LAMB2: variants seen among roughly 807,000 people sequenced by gnomAD.
LAMB2 encodes the protein laminin subunit beta 2.
A neutral mutation model predicts 202.7 loss-of-function variants in LAMB2; 119 were observed. That is an observed-to-expected ratio of 0.59 (90% CI 0.51 to 0.68). LAMB2 has a LOEUF of 0.68. Ranked by LOEUF, LAMB2 falls within the 30% of genes least tolerant of loss-of-function variation. The pLI is 0.00. For synonymous variants in LAMB2, 818 were observed against 902.2 expected (o/e 0.91, Z 1.67); for missense variants, 2,124 against 2,410.6 (o/e 0.88, Z 2.49).
chr3:49,129,211 C>T lies in LAMB2; in HGVS notation c.1598+34G>A. ...CTTCTCTTCTGCTCAGGATCTTTCCCCATCCCTTCCCAGGCCCCCTTTACA... is the reference window on the plus strand; with the variant it reads ...CTTCTCTTCTGCTCAGGATCTTTCCTCATCCCTTCCCAGGCCCCCTTTACA... On this transcript the variant is annotated intron_variant, in intron 12 of 31. Transcript: ENST00000305544. This position sits in a 1 kb window ranked among gnomAD's most constrained non-coding sequence, Gnocchi z 6.1. 3.7e-6 allele frequency: 6 copies of T among 1,614,136 alleles called. No homozygotes were observed. The highest frequency in any genetic ancestry group is 5.1e-6 in the Non-Finnish European group (6 of 1,180,020).
At chr3:49,126,586 G>C in intron 15 of LAMB2, 89 bp from the exon 16 acceptor site, 1 of 1,556,318 alleles carries the variant, frequency 6.4e-7, no homozygotes, top group South Asian at 1.1e-5. Flanking sequence ...CCAGCAACCA[G>C]GCCATTGGCC....
intron 15 of LAMB2, 28 bp from the exon 16 acceptor site, chr3:49,126,525 G>C (rs761033533): frequency 9.9e-6 from 16 of 1,613,438 alleles, no homozygotes; most frequent in Non-Finnish European, 1.3e-5. Flanking sequence ...CAGGTGCAGT[G>C]GGTCATCTAG....
Position 49,129,011 on chromosome 3 carries a change from G to A in LAMB2, c.1731+9C>T, listed in dbSNP as rs1232796171. The A allele has an allele frequency of 6.2e-7, 1 of 1,607,050 alleles. No homozygotes were observed. Among genetic ancestry groups the A allele is most frequent in the Non-Finnish European group, 8.5e-7 (1 of 1,179,976 alleles). ...CATCCAGCCCTCTGCTTAGGGGGAG[G>A]CCCCACACCTGCCCTCGGGTGTCCT... On this transcript the variant is annotated intron_variant, in intron 13 of 31. Transcript: ENST00000305544. This position sits in a 1 kb window ranked among gnomAD's most constrained non-coding sequence, Gnocchi z 6.1.
In LAMB2 at chr3:49,124,109, A is replaced by G; in HGVS notation, c.3425-9T>C. The G allele has an allele frequency of 6.2e-7, 1 of 1,614,146 alleles. No homozygotes were observed. The highest frequency in any genetic ancestry group is 8.5e-7 in the Non-Finnish European group (1 of 1,180,028). On this transcript the variant is annotated splice_polypyrimidine_tract_variant and intron_variant, in intron 23 of 31. Transcript: ENST00000305544. Reference sequence around the variant, plus strand: ...AGAGTCACAATCACAGGCTGCAAGAAAGAGCAGAGCACAGAGTTAGGGTCA... The same window carrying G: ...AGAGTCACAATCACAGGCTGCAAGAGAGAGCAGAGCACAGAGTTAGGGTCA...
chr3:49,126,710 T>C (rs2045420110), intron 15 of LAMB2, among the ~76,000 whole-genome samples: 1 of 152,150 alleles, frequency 6.6e-6, no homozygotes, highest in Non-Finnish European at 1.5e-5. Flanking sequence ...TCTAGAATCA[T>C]ACATCCACCT....
At chr3:49,124,307 G>A in intron 22 of LAMB2, 21 bp from the exon 23 acceptor site, 1 of 1,613,756 alleles carries the variant, frequency 6.2e-7, no homozygotes, top group Non-Finnish European at 8.5e-7. Context: ...AACAAGGCAG[G>A]GTCAGAGCCT....
Position 49,123,355 on chromosome 3 carries a change from C to T in LAMB2, c.4001G>A (p.Arg1334Gln), listed in dbSNP as rs144783830. The T allele has an allele frequency of 2.7e-5, 43 of 1,613,950 alleles. No homozygotes were observed. The East Asian group carries it at 8.2e-4, about 31-fold the overall frequency. The change falls in exon 26 of 32, where the codon CGG becomes CAG. Residue 1334 changes from arginine to glutamine, a missense_variant. By Grantham distance (43) the Arg-to-Gln change is conservative. Transcript: ENST00000305544. ...SNFLGAYDSI[R>Q]HAHSQSAEAE... Reference sequence around the variant, plus strand: ...CTCTGCAGACTGGCTATGGGCATGCCGGATGCTGTCATAGGCACCTAAATT... The same window carrying T: ...CTCTGCAGACTGGCTATGGGCATGCTGGATGCTGTCATAGGCACCTAAATT...
At position 49,121,990 on chromosome 3, in the gene LAMB2, C is replaced by G. The variant is rs752674803; in HGVS notation, c.4877G>C (p.Arg1626Pro). The G allele has an allele frequency of 1.9e-6, 3 of 1,613,936 alleles. No homozygotes were observed. The highest frequency in any genetic ancestry group is 1.1e-5 in the South Asian group (1 of 91,082). Residue 1626 changes from arginine to proline, a missense_variant, in exon 29 of 32, where the codon CGG becomes CCG. This residue lies in a region of LAMB2 where 1,702 missense variants were observed against 1,896.3 expected (regional missense o/e 0.90). Transcript: ENST00000305544. ...RAQGIAQGAIRGAVADTRDTE... is the reference protein window; with the variant it reads ...RAQGIAQGAIPGAVADTRDTE... ...GTCCCGTGTGTCAGCCACTGCCCCC[C>G]GGATGGCACCCTGGGCAATACCCTG...
At chr3:49,128,924 CT>C (rs1365793034) in intron 13 of LAMB2, 95 bp downstream of exon 13, 59 of 1,600,054 alleles carry the variant, frequency 3.7e-5, no homozygotes, top group Middle Eastern at 1.6e-4. Flanking sequence ...GATATCACCC[CT>C]ATCCCCTCAA....
Position 49,121,514 on chromosome 3 carries a change from C to T in LAMB2, c.5179G>A (p.Ala1727Thr). 1 of 1,614,098 alleles carries T rather than the reference C, an allele frequency of 6.2e-7. No homozygotes were observed. Among genetic ancestry groups the T allele is most frequent in the Non-Finnish European group, 8.5e-7 (1 of 1,180,032 alleles). Residue 1727 changes from alanine (A) to threonine (T), a missense_variant, in exon 31 of 32, where the codon GCA becomes ACA. Coordinates refer to ENST00000305544, the MANE Select transcript of LAMB2 (RefSeq NM_002292.4). ...CGCAGTTGTTCTGCCCTTGCCTGTGCAGCCAGCACACCTTGGGCCTTGCGC... is the reference window on the plus strand; with the variant it reads ...CGCAGTTGTTCTGCCCTTGCCTGTGTAGCCAGCACACCTTGGGCCTTGCGC... ...AERKAQGVLA[A>T]QARAEQLRDE...
Position 49,130,172 on chromosome 3 carries a change from G to A in LAMB2, c.1225+59C>T. 3 of 1,601,882 alleles carry A rather than the reference G, an allele frequency of 1.9e-6. No homozygotes were observed. In the East Asian group the frequency reaches 6.7e-5, roughly 36 times the overall value. ...TTCCTGCAATTTAGACAGCAGTCCA[G>A]CTCTCTAGTTCCTGCCCCAGGCTCA... On this transcript the variant is annotated intron_variant, in intron 9 of 31. Transcript: ENST00000305544. The surrounding 1 kb of genome is among the most constrained non-coding windows in gnomAD (Gnocchi z 5.0).
chr3:49,132,222 G>C lies in LAMB2; in HGVS notation c.386-33C>G, dbSNP rs2045488953. 5.6e-6 allele frequency: 9 copies of C among 1,614,206 alleles called. No homozygotes were observed. The highest frequency in any genetic ancestry group is 7.6e-6 in the Non-Finnish European group (9 of 1,180,036). ...AGGAATCGGAAGTCAAGGACTCAAAGCTACTGGTGGGCAGCCCTGCTCACT... is the reference window on the plus strand; with the variant it reads ...AGGAATCGGAAGTCAAGGACTCAAACCTACTGGTGGGCAGCCCTGCTCACT... On this transcript the variant is annotated intron_variant, in intron 3 of 31. Coordinates refer to ENST00000305544, the MANE Select transcript of LAMB2 (RefSeq NM_002292.4). The surrounding 1 kb of genome is among the most constrained non-coding windows in gnomAD (Gnocchi z 4.6).
rs201247413 is a variant in LAMB2, at chr3:49,123,728, C to T, written c.3797G>A (p.Arg1266Gln). The T allele has an allele frequency of 5.6e-6, 9 of 1,613,474 alleles. No homozygotes were observed. Among genetic ancestry groups the T allele is most frequent in the Admixed American group, 5.0e-5 (3 of 60,028 alleles). Reference sequence around the variant, plus strand: ...CATGTATTCTTAGGCCCTTCCGCACCGCAGCTCCTCTGTGGCCTCCACAAG... The same window carrying T: ...CATGTATTCTTAGGCCCTTCCGCACTGCAGCTCCTCTGTGGCCTCCACAAG... ...AQLVEATEELRREIGEATEHL... is the reference protein window; with the variant it reads ...AQLVEATEELQREIGEATEHL... The change falls in exon 24 of 32, where the codon CGG becomes CAG. Residue 1266 changes from arginine to glutamine, a missense_variant and splice_region_variant. Physicochemically the swap from Arg to Gln is conservative, Grantham distance 43. This residue lies in a region of LAMB2 where 1,702 missense variants were observed against 1,896.3 expected (regional missense o/e 0.90). Coordinates refer to ENST00000305544, the MANE Select transcript of LAMB2 (RefSeq NM_002292.4).
At chr3:49,127,289 A>G (rs1346490352) in intron 15 of LAMB2, among the ~76,000 whole-genome samples, 1 of 152,100 alleles carries the variant, frequency 6.6e-6, no homozygotes, top group Non-Finnish European at 1.5e-5. Flanking sequence ...CCTGGTCTAG[A>G]GGAATTTTTT....
rs1183979474 is a variant in LAMB2 at position 49,126,663 on chromosome 3, A to G, written c.2019-166T>C. On this transcript the variant is annotated intron_variant, in intron 15 of 31. Transcript: ENST00000305544. ...CCAACAAACAGCTGGGCAGCCCAAC[A>G]AAGAATCTGCACAGAATAGTCTCAT... 3.9e-5 allele frequency among the ~76,000 whole-genome samples: 6 copies of G among 152,192 alleles called. No individual in the cohort carries two copies. The East Asian group carries it at 1.2e-3, about 29-fold the overall frequency.
In LAMB2 at chr3:49,123,912, C is replaced by T. The variant is rs953343840; in HGVS notation, c.3613G>A (p.Ala1205Thr). Residue 1205 changes from alanine to threonine, a missense_variant, in exon 24 of 32, where the codon GCA (alanine) becomes ACA (threonine). By Grantham distance (58) the Ala-to-Thr change is moderately conservative (BLOSUM62 0). Transcript: ENST00000305544. ...TGCTCTAGGCGCTGTGTACGGGCTG[C>T]CAAGTCCTGCACCACTCGGTCCCAA... ...GDWDRVVQDL[A>T]ARTQRLEQRA... 1.9e-6 allele frequency: 3 copies of T among 1,613,260 alleles called. No homozygotes were observed. The highest frequency in any genetic ancestry group is 1.7e-6 in the Non-Finnish European group (2 of 1,180,036).
In LAMB2 at chr3:49,124,482, G is replaced by A. The variant is rs1170307834; in HGVS notation, c.3240C>T (p.Ala1080=). 1 of 1,613,792 alleles carries A rather than the reference G, an allele frequency of 6.2e-7. No individual in the cohort carries two copies. The highest frequency in any genetic ancestry group is 1.7e-5 in the Admixed American group (1 of 60,030). ...NVQGPSCDRC[A]PNFWNLTSGH... is the part of the protein sequence containing the mutation. The stretch of plus-strand genomic sequence containing the variant: ...CACTGGTGAGGTTCCAGAAGTTGGG[G>A]GCACAGCGGTCACAGCTAGGGCCCT... Residue 1080 remains alanine (A), a synonymous_variant, in exon 22 of 32, where the codon GCC becomes GCT. Coordinates refer to ENST00000305544, the MANE Select transcript of LAMB2 (RefSeq NM_002292.4).
rs182675365 is a variant in LAMB2 at position 49,130,489 on chromosome 3, C to A, written c.1037-70G>T. On this transcript the variant is annotated intron_variant, in intron 8 of 31. Transcript: ENST00000305544. This position sits in a 1 kb window ranked among gnomAD's most constrained non-coding sequence, Gnocchi z 5.0. Reference sequence around the variant, plus strand: ...GGTCACAAGGGTAAGAAGTAGGCCACCTTAGATCCCTATCACAGGCCAGAA... The same window carrying A: ...GGTCACAAGGGTAAGAAGTAGGCCAACTTAGATCCCTATCACAGGCCAGAA... 5.4e-5 allele frequency: 84 copies of A among 1,567,438 alleles called. No homozygotes were observed. The East Asian group carries it at 1.7e-3, about 31-fold the overall frequency.
At chr3:49,128,925 T>C in intron 13 of LAMB2, 95 bp downstream of exon 13, 1 of 1,599,148 alleles carries the variant, frequency 6.3e-7, no homozygotes, top group Non-Finnish European at 8.5e-7. Flanking sequence ...ATATCACCCC[T>C]ATCCCCTCAA....
Sources: gnomAD v4.1 joint callset for allele counts (sites outside exome capture counted in the v4.1 genomes callset) on GRCh38, gnomAD v4.1.1 for gene constraint, gnomAD v4.1.1 regional missense constraint, Gnocchi (gnomAD v3.1) non-coding constraint, MANE v1.5 for transcripts, NCBI Gene and HGNC (gene_info 2026-07-23, HGNC 2026-07-21) for gene names.